Variants in LOC102723971 observed in about 807,000 individuals in gnomAD.
the LOC102723971 span, among the ~76,000 whole-genome samples, chr9:135,614,685 G>A: frequency 6.6e-6 from 1 of 152,178 alleles, no homozygotes; most frequent in Non-Finnish European, 1.5e-5. Flanking sequence ...GGCCCAGGCA[G>A]GGAGCAGGGT....
At chr9:135,615,322 C>T in the LOC102723971 span, 1 of 398,238 alleles carries the variant, frequency 2.5e-6, no homozygotes, top group Non-Finnish European at 4.4e-6. Flanking sequence ...CACAGCCGGG[C>T]GCTAGCTGGC....
chr9:135,615,716 C>T, the LOC102723971 span, among the ~76,000 whole-genome samples: 1 of 152,212 alleles, frequency 6.6e-6, no homozygotes, highest in African/African-American at 2.4e-5. Flanking sequence ...GCAGACACGC[C>T]CACTGGGCCA....
At chr9:135,619,828 G>A in the LOC102723971 span, among the ~76,000 whole-genome samples, 5 of 150,894 alleles carry the variant, frequency 3.3e-5, no homozygotes, top group South Asian at 2.1e-4. Context: ...AGGCTGCCCC[G>A]AAAACGCCTC....
At chr9:135,614,763 C>T in the LOC102723971 span, among the ~76,000 whole-genome samples, 1 of 152,072 alleles carries the variant, frequency 6.6e-6, no homozygotes, top group Non-Finnish European at 1.5e-5. Flanking sequence ...ACCCTGGATA[C>T]AGGGAGGGTC....
At chr9:135,618,124 G>A in the LOC102723971 span, 459 of 398,018 alleles carry the variant, frequency 1.2e-3, no homozygotes, top group African/African-American at 8.7e-3. Context: ...TTCCCAGCCA[G>A]CACCACTGAG....
the LOC102723971 span, chr9:135,614,457 G>C: frequency 2.6e-6 from 1 of 386,390 alleles, no homozygotes; most frequent in Non-Finnish European, 4.6e-6. Flanking sequence ...CCGGGGTTCA[G>C]ATCCTGCCTG....
chr9:135,615,694 C>A, the LOC102723971 span, among the ~76,000 whole-genome samples: 3 of 152,214 alleles, frequency 2.0e-5, no homozygotes, highest in Admixed American at 6.5e-5. Flanking sequence ...CCGGAGGCAA[C>A]GTCCAGTCCC....
the LOC102723971 span, chr9:135,618,991 C>T: frequency 2.5e-6 from 1 of 402,726 alleles, no homozygotes; most frequent in Non-Finnish European, 4.4e-6. Context: ...CTGCCTGGGC[C>T]CCTCACCCCT....
chr9:135,614,765 G>A, the LOC102723971 span, among the ~76,000 whole-genome samples: 2 of 152,090 alleles, frequency 1.3e-5, no homozygotes, highest in Admixed American at 1.3e-4. Flanking sequence ...CCTGGATACA[G>A]GGAGGGTCCC....
At chr9:135,615,525 C>G in the LOC102723971 span, 1 of 398,662 alleles carries the variant, frequency 2.5e-6, no homozygotes, top group Non-Finnish European at 4.4e-6. Flanking sequence ...CCGCCCCTCT[C>G]AGGCGCTCAT....
the LOC102723971 span, chr9:135,616,725 G>C: frequency 7.7e-3 from 3,083 of 398,552 alleles, 36 homozygotes; most frequent in African/African-American, 0.033. Context: ...AGGGGCGCTC[G>C]GATGTCCAGT....
At chr9:135,617,632 TG>T in the LOC102723971 span, among the ~76,000 whole-genome samples, 2 of 152,098 alleles carry the variant, frequency 1.3e-5, no homozygotes, top group Non-Finnish European at 2.9e-5. Context: ...TGGGACTCTC[TG>T]GGGGTCTCCA....
the LOC102723971 span, among the ~76,000 whole-genome samples, chr9:135,618,686 G>A: frequency 6.6e-6 from 1 of 151,590 alleles, no homozygotes; most frequent in Non-Finnish European, 1.5e-5. Flanking sequence ...CCAAGCAGAG[G>A]AGGGCAGGGA....
the LOC102723971 span, among the ~76,000 whole-genome samples, chr9:135,615,077 G>T: frequency 6.6e-6 from 1 of 152,206 alleles, no homozygotes; most frequent in African/African-American, 2.4e-5. Flanking sequence ...CAGGAAGGGG[G>T]AACGTTTGCC....
At chr9:135,619,528 T>G in the LOC102723971 span, among the ~76,000 whole-genome samples, 3 of 152,098 alleles carry the variant, frequency 2.0e-5, no homozygotes, top group African/African-American at 7.2e-5. Flanking sequence ...CCATGCTCCG[T>G]GAGCAAACGC....
At chr9:135,617,095 C>G in the LOC102723971 span, 1 of 398,048 alleles carries the variant, frequency 2.5e-6, no homozygotes, top group Non-Finnish European at 4.4e-6. Context: ...GCTGGACACT[C>G]CCGGCTCTGT....
the LOC102723971 span, chr9:135,615,512 C>A: frequency 1.5e-5 from 6 of 398,648 alleles, no homozygotes; most frequent in Non-Finnish European, 2.7e-5. Context: ...AGCACGGCTC[C>A]TGCCGCCCCT....
the LOC102723971 span, among the ~76,000 whole-genome samples, chr9:135,618,343 C>T: frequency 6.6e-6 from 1 of 152,102 alleles, no homozygotes; most frequent in Non-Finnish European, 1.5e-5. Flanking sequence ...GCCTCCTGAG[C>T]CAAGTGCCCA....
the LOC102723971 span, among the ~76,000 whole-genome samples, chr9:135,615,956 G>A: frequency 5.5e-3 from 836 of 152,300 alleles, 4 homozygotes; most frequent in African/African-American, 0.014. Flanking sequence ...CAGTGACACC[G>A]ACAACAAGCT....
Sources: gnomAD v4.1 joint callset for allele counts (sites outside exome capture counted in the v4.1 genomes callset) on GRCh38, gnomAD v4.1.1 for gene constraint, MANE v1.5 for transcripts.